GLIS3: variants seen among roughly 807,000 people sequenced by gnomAD.
GLIS3 encodes GLIS family zinc finger 3.
Under a neutral mutation model 78.6 loss-of-function variants are expected in GLIS3, and 53 were observed. The ratio of observed to expected loss-of-function variants is 0.67; its 90% CI spans 0.54 to 0.85. GLIS3 has a LOEUF of 0.85. Among genes scored for constraint, GLIS3 ranks in the 40% least tolerant of loss-of-function variants. GLIS3 has a pLI of 0.00. For synonymous variants in GLIS3, 684 were observed against 509.9 expected (o/e 1.34, Z -4.60); for missense variants, 1,703 against 1,231.1 (o/e 1.38, Z -5.74).
chr9:4,373,887 C>G, the GLIS3 span, among the ~76,000 whole-genome samples: 1 of 152,192 alleles, frequency 6.6e-6, no homozygotes, highest in African/African-American at 2.4e-5. Flanking sequence ...AGGCTGGTCT[C>G]AAATTCCTGA....
At chr9:4,378,858 G>A in the GLIS3 span, among the ~76,000 whole-genome samples, 9 of 152,262 alleles carry the variant, frequency 5.9e-5, no homozygotes, top group African/African-American at 2.2e-4. Flanking sequence ...GGGAATCTGG[G>A]CATGGCCGAC....
intron 4 of GLIS3, among the ~76,000 whole-genome samples, chr9:3,965,482 C>T (rs962095761): frequency 6.6e-6 from 1 of 152,192 alleles, no homozygotes; most frequent in African/African-American, 2.4e-5. Flanking sequence ...GCGTGAGCCA[C>T]CACGCCCAAC....
intron 2 of GLIS3, among the ~76,000 whole-genome samples, chr9:4,248,901 G>A (rs1224342325): frequency 6.6e-6 from 1 of 152,072 alleles, no homozygotes; most frequent in Non-Finnish European, 1.5e-5. Flanking sequence ...AGAAGTGTCT[G>A]TTCGTATACT....
At chr9:4,095,099 T>A (rs536591539) in intron 4 of GLIS3, among the ~76,000 whole-genome samples, 119 of 152,304 alleles carry the variant, frequency 7.8e-4, no homozygotes, top group African/African-American at 2.7e-3. Context: ...ATTGTCATCC[T>A]GCAGATGAAT....
chr9:4,024,907 C>A (rs570725193), intron 4 of GLIS3, among the ~76,000 whole-genome samples: 4 of 152,120 alleles, frequency 2.6e-5, no homozygotes, highest in Non-Finnish European at 5.9e-5. Context: ...TCATGCCTGT[C>A]GTGTTCATCA....
At chr9:4,311,778 G>A (rs144659019) in intron 2 of GLIS3, among the ~76,000 whole-genome samples, 31 of 152,300 alleles carry the variant, frequency 2.0e-4, no homozygotes, top group African/African-American at 6.5e-4. Flanking sequence ...TGTCAGCAGT[G>A]GTCGTCTGAC....
At chr9:4,061,831 G>C (rs927008991) in intron 4 of GLIS3, among the ~76,000 whole-genome samples, 2 of 152,214 alleles carry the variant, frequency 1.3e-5, no homozygotes, top group Non-Finnish European at 2.9e-5. Context: ...AATGCCACAA[G>C]TGAGAAATGA....
intron 2 of GLIS3, among the ~76,000 whole-genome samples, chr9:4,277,985 G>A (rs978422926): frequency 2.0e-5 from 3 of 152,028 alleles, no homozygotes; most frequent in African/African-American, 7.2e-5. Flanking sequence ...CAGATACATA[G>A]GAACACATTC....
intron 4 of GLIS3, among the ~76,000 whole-genome samples, chr9:4,084,350 C>T (rs577473258): frequency 5.9e-5 from 9 of 151,564 alleles, no homozygotes; most frequent in Admixed American, 4.0e-4. Context: ...TCTTATCTTG[C>T]GGTTCTCTAC....
At chr9:3,914,954 A>G (rs143230597) in intron 6 of GLIS3, among the ~76,000 whole-genome samples, 1 of 152,188 alleles carries the variant, frequency 6.6e-6, no homozygotes, top group East Asian at 1.9e-4. Flanking sequence ...GCACAGAATT[A>G]CTGTCAGTAA....
rs981176271 is a variant in GLIS3, at chr9:3,883,308, A to T, written c.2129-3713T>A. On this transcript the variant is annotated intron_variant, in intron 7 of 10. Coordinates refer to ENST00000381971, the MANE Select transcript of GLIS3 (RefSeq NM_001042413.2). ...TTTATGCATTCATTCTTCCAAACAC[A>T]ATTTTCCAGCACCTACTCTGCACCA... 5.9e-5 allele frequency among the ~76,000 whole-genome samples: 9 copies of T among 152,148 alleles called. No homozygotes were observed. In the South Asian group the frequency reaches 6.2e-4, roughly 11 times the overall value.
Position 4,328,342 on chromosome 9 carries a change from C to T in GLIS3, n.265-17814G>A, listed in dbSNP as rs149618984. Among the ~76,000 whole-genome samples the T allele has an allele frequency of 3.9e-3, 589 of 152,284 alleles. 3 individuals carry two copies. The highest frequency in any genetic ancestry group is 0.013 in the African/African-American group (545 of 41,542). On this transcript the variant is annotated intron_variant and non_coding_transcript_variant, in intron 2 of 4. Transcript: ENST00000471664. The stretch of plus-strand genomic sequence containing the variant: ...CCCTGAAGTTCCAGTTGAACAAAAC[C>T]AGAACCCACTCAACCCACTAACCAG...
At chr9:4,280,617 T>G (rs902031619) in intron 2 of GLIS3, among the ~76,000 whole-genome samples, 1 of 152,058 alleles carries the variant, frequency 6.6e-6, no homozygotes, top group Non-Finnish European at 1.5e-5. Context: ...ATTTAAGAAA[T>G]AAGTTATGCA....
At chr9:4,004,466 C>G (rs1339465890) in intron 4 of GLIS3, among the ~76,000 whole-genome samples, 1 of 152,152 alleles carries the variant, frequency 6.6e-6, no homozygotes, top group African/African-American at 2.4e-5. Context: ...GTAGCAAAGT[C>G]ATCCAAAAGG....
chr9:4,249,655 G>C (rs751841744), intron 2 of GLIS3, among the ~76,000 whole-genome samples: 2 of 152,166 alleles, frequency 1.3e-5, no homozygotes, highest in Non-Finnish European at 2.9e-5. Context: ...CCAATACTAT[G>C]TTGAATAAGG....
the GLIS3 span, among the ~76,000 whole-genome samples, chr9:4,407,400 C>A: frequency 1.3e-5 from 2 of 152,250 alleles, no homozygotes. Flanking sequence ...AATCCCAGCA[C>A]TTCGGGAGGC....
At chr9:4,396,102 G>C in the GLIS3 span, among the ~76,000 whole-genome samples, 17,896 of 151,206 alleles carry the variant, frequency 0.12, 1,405 homozygotes, top group Middle Eastern at 0.18. Context: ...ATAACATCAA[G>C]GGAGGCCATT....
At chr9:3,870,814 T>A (rs1454908964) in intron 8 of GLIS3, among the ~76,000 whole-genome samples, 1 of 152,234 alleles carries the variant, frequency 6.6e-6, no homozygotes, top group African/African-American at 2.4e-5. Context: ...CCCTGGCCCA[T>A]GCCAAATCTC....
At chr9:4,232,720 A>T (rs2131370074) in intron 2 of GLIS3, among the ~76,000 whole-genome samples, 1 of 152,330 alleles carries the variant, frequency 6.6e-6, no homozygotes, top group Non-Finnish European at 1.5e-5. Flanking sequence ...AAGATGAGGA[A>T]GTTGGAGGAC....
Sources: gnomAD v4.1 joint callset for allele counts (sites outside exome capture counted in the v4.1 genomes callset) on GRCh38, gnomAD v4.1.1 for gene constraint, MANE v1.5 for transcripts, NCBI Gene and HGNC (gene_info 2026-07-23, HGNC 2026-07-21) for gene names.